ME3: variants seen among roughly 807,000 people sequenced by gnomAD.
The protein encoded by ME3 is malic enzyme 3, also known as NADP-dependent malic enzyme, mitochondrial.
ME3 carries 48 observed loss-of-function variants against 68.9 expected under a neutral mutation model. The observed-to-expected ratio is 0.70, with a 90% confidence interval of 0.55 to 0.89. ME3 has a LOEUF of 0.89. Among genes scored for constraint, ME3 ranks in the 40% least tolerant of loss-of-function variants. The pLI is 0.00. For synonymous variants in ME3, 320 were observed against 318.8 expected (o/e 1.00, Z -0.04); for missense variants, 675 against 797.4 (o/e 0.85, Z 1.85).
chr11:86,574,224 A>C (rs761499623), intron 2 of ME3, among the ~76,000 whole-genome samples: 2 of 152,056 alleles, frequency 1.3e-5, no homozygotes, highest in Non-Finnish European at 2.9e-5. Flanking sequence ...CGTCAATCTC[A>C]TTCTTCATCC....
At chr11:86,608,457 C>T (rs921328402) in intron 2 of ME3, among the ~76,000 whole-genome samples, 1 of 152,328 alleles carries the variant, frequency 6.6e-6, no homozygotes, top group Middle Eastern at 3.4e-3. Context: ...CAGGATTTTT[C>T]TCTGAGGATG....
intron 4 of ME3, among the ~76,000 whole-genome samples, chr11:86,539,083 A>T (rs181331664): frequency 1.2e-4 from 18 of 152,316 alleles, no homozygotes; most frequent in Middle Eastern, 3.4e-3. Flanking sequence ...AAAGTGCGTG[A>T]CCATTTGGAG....
intron 4 of ME3, among the ~76,000 whole-genome samples, chr11:86,530,986 A>T (rs955383470): frequency 9.9e-5 from 15 of 152,278 alleles, no homozygotes; most frequent in African/African-American, 3.6e-4. Context: ...ACAAAAGCCA[A>T]AATTGACAAA....
At chr11:86,616,583 T>C (rs984596749) in intron 2 of ME3, among the ~76,000 whole-genome samples, 2 of 152,192 alleles carry the variant, frequency 1.3e-5, no homozygotes, top group East Asian at 1.9e-4. Flanking sequence ...CATCAGAAAG[T>C]GGTTAAGAAT....
In ME3 at chr11:86,559,553, G is replaced by A. The variant is rs77982502; in HGVS notation, c.317+137C>T. The A allele has an allele frequency of 6.0e-4, 628 of 1,046,238 alleles. 5 individuals are homozygous for A. The African/African-American group carries it at 9.4e-3, about 16-fold the overall frequency. The allele number at this position is 1,046,238 out of a possible 1,614,324, so 64.8% of individuals were successfully genotyped here. A position where few individuals can be genotyped will look rare whatever the true frequency, so the allele number is the denominator to read the frequency against. ...AGGGAGACCATGAATCCTTTAGAAG[G>A]TAGGGCTGAGTCTGGGATCTCTTTG... On this transcript the variant is annotated intron_variant, in intron 3 of 14. Transcript: ENST00000543262.
At chr11:86,545,908 A>C (rs1436609035) in intron 4 of ME3, among the ~76,000 whole-genome samples, 1 of 152,246 alleles carries the variant, frequency 6.6e-6, no homozygotes, top group Non-Finnish European at 1.5e-5. Context: ...ACCTGACTTC[A>C]AATTATACTA....
chr11:86,497,233 G>A (rs1952400972), intron 6 of ME3, among the ~76,000 whole-genome samples: 3 of 152,124 alleles, frequency 2.0e-5, no homozygotes, highest in Admixed American at 2.0e-4. Flanking sequence ...ATCCCGCCCC[G>A]ATCAGCCTCC....
intron 9 of ME3, 98 bp from the exon 10 acceptor site, chr11:86,450,100 A>G: frequency 9.3e-7 from 1 of 1,080,626 alleles, no homozygotes; most frequent in Admixed American, 2.2e-5. Flanking sequence ...TCTTTCCCCC[A>G]CCTCAATGAC....
At chr11:86,442,160 T>C (rs565555030) in intron 14 of ME3, among the ~76,000 whole-genome samples, 1 of 152,380 alleles carries the variant, frequency 6.6e-6, no homozygotes, top group Non-Finnish European at 1.5e-5. Context: ...TTATCAATGT[T>C]GGGCCAGTCC....
intron 2 of ME3, among the ~76,000 whole-genome samples, chr11:86,602,358 C>T (rs915448529): frequency 6.6e-6 from 1 of 151,910 alleles, no homozygotes; most frequent in East Asian, 1.9e-4. Context: ...TTCACAGTTG[C>T]TTCAAAGAGA....
intron 4 of ME3, among the ~76,000 whole-genome samples, chr11:86,518,395 G>A (rs1954037633): frequency 6.6e-6 from 1 of 152,108 alleles, no homozygotes; most frequent in Non-Finnish European, 1.5e-5. Context: ...ACAAAGTAAC[G>A]CTTATCATCG....
rs886654223 is a variant in ME3, at chr11:86,575,720, A to G, written c.184-15897T>C. Among the ~76,000 whole-genome samples, 3 of 152,320 alleles carry G rather than the reference A, an allele frequency of 2.0e-5. No homozygotes were observed. The East Asian group carries it at 5.8e-4, about 29-fold the overall frequency. ...CCAGGCTTCAACATATTGCCTTGCAACTATCTATTTGTGAGTCTGTTCTCC... is the reference window on the plus strand; with the variant it reads ...CCAGGCTTCAACATATTGCCTTGCAGCTATCTATTTGTGAGTCTGTTCTCC... On this transcript the variant is annotated intron_variant, in intron 2 of 14. Transcript: ENST00000543262.
chr11:86,480,214 C>T (rs1358254292), intron 7 of ME3, among the ~76,000 whole-genome samples: 3 of 152,228 alleles, frequency 2.0e-5, no homozygotes, highest in Non-Finnish European at 4.4e-5. Flanking sequence ...AATGCATGAT[C>T]AGATACATGC....
rs573380965 is a variant in ME3 at position 86,626,920 on chromosome 11, G to A, written c.183+44842C>T. 2.2e-4 allele frequency among the ~76,000 whole-genome samples: 33 copies of A among 152,132 alleles called. 1 individual carries two copies. The highest frequency in any genetic ancestry group is 4.0e-4 in the Non-Finnish European group (27 of 68,036). ...ATAAATGGTGTGGTTTTTGTCTCCT[G>A]CCTAGACCCTAACTGGTATATTTTC... On this transcript the variant is annotated intron_variant, in intron 2 of 14. Coordinates refer to ENST00000543262, the Ensembl canonical transcript of ME3.
chr11:86,548,938 T>A (rs1313115864), intron 4 of ME3, among the ~76,000 whole-genome samples: 1 of 152,222 alleles, frequency 6.6e-6, no homozygotes, highest in East Asian at 1.9e-4. Flanking sequence ...TTCACCATCC[T>A]TTTGTCCGGT....
chr11:86,522,220 A>G (rs1954369597), intron 4 of ME3, among the ~76,000 whole-genome samples: 1 of 151,154 alleles, frequency 6.6e-6, no homozygotes, highest in Admixed American at 6.6e-5. Context: ...ATTGCACTCC[A>G]GCCTGGGTGA....
intron 2 of ME3, among the ~76,000 whole-genome samples, chr11:86,667,056 G>A (rs1449663732): frequency 6.6e-6 from 1 of 152,194 alleles, no homozygotes; most frequent in Non-Finnish European, 1.5e-5. Flanking sequence ...AGCCAACACT[G>A]CAGCACTGTC....
chr11:86,477,530 A>G (rs549623332), intron 7 of ME3, among the ~76,000 whole-genome samples: 2 of 152,232 alleles, frequency 1.3e-5, no homozygotes, highest in African/African-American at 4.8e-5. Context: ...CCCGCCACCC[A>G]TAAGACCCTT....
rs563738961 is a variant in ME3 at position 86,617,045 on chromosome 11, G to GTTTTTTTTT, written c.183+54708_183+54716dup. 4.7e-3 allele frequency among the ~76,000 whole-genome samples: 262 copies of GTTTTTTTTT among 56,320 alleles called. 56 individuals are homozygous for GTTTTTTTTT. The highest frequency in any genetic ancestry group is 0.026 in the Middle Eastern group (1 of 38). 36.9% of individuals were successfully genotyped at this position (56,320 alleles called of 152,430 possible). A position where few individuals can be genotyped will look rare whatever the true frequency, so the allele number is the denominator to read the frequency against. On this transcript the variant is annotated intron_variant, in intron 2 of 14. Transcript: ENST00000543262. ...ACATCTAAAATACTCCAAGATAGTA[G>GTTTTTTTTT]TTTTTTTTTTTTTTTTTTTTTTTTT...
Sources: gnomAD v4.1 joint callset for allele counts (sites outside exome capture counted in the v4.1 genomes callset) on GRCh38, gnomAD v4.1.1 for gene constraint, MANE v1.5 for transcripts, NCBI Gene and HGNC (gene_info 2026-07-23, HGNC 2026-07-21) for gene names.